Variants in TM2D1 observed in about 807,000 individuals in gnomAD.
TM2D1 encodes TM2 domain-containing protein 1.
In TM2D1, 15 loss-of-function variants were observed where a neutral mutation model predicts 28.4. That is an observed-to-expected ratio of 0.53 (90% CI 0.35 to 0.81). TM2D1 has a LOEUF of 0.81. Among genes scored for constraint, TM2D1 ranks in the 40% least tolerant of loss-of-function variants. The pLI, the probability that TM2D1 is intolerant of heterozygous loss-of-function variation, is 0.01. For synonymous variants in TM2D1, 93 were observed against 96.2 expected, an observed-to-expected ratio of 0.97 and a Z score of 0.20; for missense variants, 236 against 254.9, an observed-to-expected ratio of 0.93 and a Z score of 0.50.
chr1:61,710,421 G>A (rs1382339693), intron 2 of TM2D1, among the ~76,000 whole-genome samples: 1 of 90,576 alleles, frequency 1.1e-5, no homozygotes, highest in Non-Finnish European at 2.0e-5. Context: ...GCAAGACCCT[G>A]TCCCAAAAAA....
chr1:61,682,749 C>A (rs1406946782), intron 6 of TM2D1, among the ~76,000 whole-genome samples: 1 of 151,898 alleles, frequency 6.6e-6, no homozygotes, highest in East Asian at 1.9e-4. Context: ...ACAAGTTACC[C>A]GGGCATGGTG....
Position 61,686,446 on chromosome 1 carries a change from C to T in TM2D1, c.514-2900G>A, listed in dbSNP as rs375101777. Among the ~76,000 whole-genome samples the T allele has an allele frequency of 2.2e-4, 33 of 151,452 alleles. No homozygotes were observed. The South Asian group carries it at 5.0e-3, about 23-fold the overall frequency. ...CCAAGGTGGGAGGATTGCTTGAGGC[C>T]AGGAGTTCGAGACCAGTCTGGCCAA... is the stretch of plus-strand genomic sequence containing the variant. On this transcript the variant is annotated intron_variant, in intron 5 of 6. Transcript: ENST00000606498.
chr1:61,694,428 T>C lies in TM2D1; in HGVS notation c.513+269A>G, dbSNP rs567181886. On this transcript the variant is annotated intron_variant, in intron 5 of 6. Coordinates refer to ENST00000606498, the MANE Select transcript of TM2D1 (RefSeq NM_032027.3). ...CAGTAAAGAAACTTCTTTAACTCAATTGAACTCACATTTACAAATCATATT... is the reference window on the plus strand; with the variant it reads ...CAGTAAAGAAACTTCTTTAACTCAACTGAACTCACATTTACAAATCATATT... 1.3e-4 allele frequency: 35 copies of C among 264,704 alleles called. 1 individual carries two copies. Among genetic ancestry groups the C allele is most frequent in the South Asian group, 8.7e-4 (6 of 6,916 alleles). The allele number at this position is 264,704 out of a possible 1,614,324, so 16.4% of individuals were successfully genotyped here.
chr1:61,719,400 G>C (rs901693818), intron 2 of TM2D1, among the ~76,000 whole-genome samples: 1 of 140,022 alleles, frequency 7.1e-6, no homozygotes. Context: ...GCAGAAAAAA[G>C]TATATACACA....
At chr1:61,709,542 A>G (rs1644463064) in intron 2 of TM2D1, 105 bp from the exon 3 acceptor site, 3 of 742,146 alleles carry the variant, frequency 4.0e-6, no homozygotes, top group South Asian at 1.6e-5. Context: ...ACCTCCCAAT[A>G]TAACATGACA....
chr1:61,716,211 C>T (rs181233334), intron 2 of TM2D1, among the ~76,000 whole-genome samples: 28 of 151,132 alleles, frequency 1.9e-4, no homozygotes, highest in Non-Finnish European at 3.5e-4. Context: ...CCTAGCTACT[C>T]GGGAAGCTGA....
intron 2 of TM2D1, among the ~76,000 whole-genome samples, chr1:61,716,407 TTA>T (rs1294064705): frequency 6.9e-6 from 1 of 145,372 alleles, no homozygotes; most frequent in Non-Finnish European, 1.5e-5. Context: ...ATATATAATT[TTA>T]TATATGTATA....
chr1:61,704,219 T>C (rs891113711), intron 3 of TM2D1, among the ~76,000 whole-genome samples: 4 of 151,942 alleles, frequency 2.6e-5, no homozygotes, highest in African/African-American at 9.7e-5. Flanking sequence ...TAAAACTGAA[T>C]AGAATATAAA....
At chr1:61,690,787 C>G (rs193070127) in intron 5 of TM2D1, among the ~76,000 whole-genome samples, 120 of 152,228 alleles carry the variant, frequency 7.9e-4, no homozygotes, top group African/African-American at 2.8e-3. Context: ...AAGTTAAAAA[C>G]TAATACAAAG....
At chr1:61,682,367 A>G (rs1035601431) in intron 6 of TM2D1, among the ~76,000 whole-genome samples, 19 of 152,096 alleles carry the variant, frequency 1.2e-4, no homozygotes, top group Non-Finnish European at 2.2e-4. Flanking sequence ...ACTACCCTTC[A>G]CCCTACATGA....
chr1:61,706,489 C>T (rs1385476552), intron 3 of TM2D1, among the ~76,000 whole-genome samples: 1 of 151,778 alleles, frequency 6.6e-6, no homozygotes, highest in Non-Finnish European at 1.5e-5. Context: ...TGAGCCACCA[C>T]GCCGAGCCAC....
intron 3 of TM2D1, among the ~76,000 whole-genome samples, chr1:61,707,137 C>T (rs891310399): frequency 6.6e-6 from 1 of 152,084 alleles, no homozygotes; most frequent in Non-Finnish European, 1.5e-5. Context: ...CACCTCTAGT[C>T]CCAGCTACTT....
At chr1:61,721,647 G>A (rs1460236910) in intron 2 of TM2D1, among the ~76,000 whole-genome samples, 1 of 151,614 alleles carries the variant, frequency 6.6e-6, no homozygotes, top group Admixed American at 6.6e-5. Context: ...AAATAATTTT[G>A]GCTGGAAGAA....
At position 61,715,645 on chromosome 1, in the gene TM2D1, C is replaced by CAAA. The variant is rs759796747; in HGVS notation, c.239-6211_239-6209dup. Among the ~76,000 whole-genome samples the CAAA allele has an allele frequency of 2.3e-3, 37 of 16,420 alleles. 5 individuals are homozygous for CAAA. Among genetic ancestry groups the CAAA allele is most frequent in the African/African-American group, 4.8e-3 (31 of 6,432 alleles). The allele number at this position is 16,420 out of a possible 152,430, so 10.8% of individuals were successfully genotyped here. A position where few individuals can be genotyped will look rare whatever the true frequency, so the allele number is the denominator to read the frequency against. On this transcript the variant is annotated intron_variant, in intron 2 of 6. Transcript: ENST00000606498. Reference sequence around the variant, plus strand: ...CCTGGGTGACAGAGCAAGACTGTCTCAAAAAAAAAAAAAAAAAAAAAAAAA... The same window carrying CAAA: ...CCTGGGTGACAGAGCAAGACTGTCTCAAAAAAAAAAAAAAAAAAAAAAAAAAAA...
chr1:61,699,874 C>G (rs188158363), intron 4 of TM2D1: 7 of 242,026 alleles, frequency 2.9e-5, no homozygotes, highest in African/African-American at 1.6e-4. Context: ...ATGACTTTTA[C>G]TTAGGAACTT....
At chr1:61,716,362 T>G (rs1570126498) in intron 2 of TM2D1, among the ~76,000 whole-genome samples, 1 of 146,302 alleles carries the variant, frequency 6.8e-6, no homozygotes, top group African/African-American at 2.5e-5. Flanking sequence ...CATATTTAAT[T>G]TTATATATAA....
rs572638659 is a variant in TM2D1, at chr1:61,685,978, G to A, written c.514-2432C>T. ...CAGTGAGCTATGATCACACCACTGC[G>A]CTCCAGCCTGGGTGACAAAATGCAA... is the stretch of plus-strand genomic sequence containing the variant. On this transcript the variant is annotated intron_variant, in intron 5 of 6. Transcript: ENST00000606498. 8.4e-4 allele frequency among the ~76,000 whole-genome samples: 127 copies of A among 152,088 alleles called. 1 individual carries two copies. In the Middle Eastern group the frequency reaches 0.014, roughly 16 times the overall value.
intron 3 of TM2D1, among the ~76,000 whole-genome samples, chr1:61,703,160 G>A (rs1644415192): frequency 1.3e-5 from 2 of 151,158 alleles, no homozygotes; most frequent in Admixed American, 1.3e-4. Context: ...GGACACACTG[G>A]CATGTGACTA....
chr1:61,684,699 C>CAA (rs11376765), intron 5 of TM2D1, among the ~76,000 whole-genome samples: 1 of 151,812 alleles, frequency 6.6e-6, no homozygotes, highest in African/African-American at 2.4e-5. Flanking sequence ...TTGATCCAAA[C>CAA]AAAAAATCAC....
Sources: allele counts gnomAD v4.1 joint callset (sites outside exome capture counted in the v4.1 genomes callset), GRCh38; gene constraint gnomAD v4.1.1; transcripts MANE v1.5; gene names NCBI Gene and HGNC (gene_info 2026-07-23, HGNC 2026-07-21).